TRAPPC9: variants seen among roughly 807,000 people sequenced by gnomAD.
TRAPPC9 encodes IKK2 binding protein.
Under a neutral mutation model 124.0 loss-of-function variants are expected in TRAPPC9, and 83 were observed. The ratio of observed to expected loss-of-function variants is 0.67; its 90% CI spans 0.56 to 0.80. TRAPPC9 has a LOEUF of 0.80. Ranked by LOEUF, TRAPPC9 falls within the 30% of genes least tolerant of loss-of-function variation. The pLI, the probability that TRAPPC9 is intolerant of heterozygous loss-of-function variation, is 0.00. For missense variants in TRAPPC9, 1,302 were observed against 1,508.3 expected, an observed-to-expected ratio of 0.86 and a Z score of 2.27; for synonymous variants, 638 against 617.5, an observed-to-expected ratio of 1.03 and a Z score of -0.49.
chr8:140,051,264 G>A (rs1229130475), intron 17 of TRAPPC9, among the ~76,000 whole-genome samples: 1 of 152,330 alleles, frequency 6.6e-6, no homozygotes, highest in Middle Eastern at 3.4e-3. Context: ...TGAGCACCAT[G>A]ACCTCAGTGA....
At chr8:140,236,395 T>C (rs2063732235) in intron 16 of TRAPPC9, among the ~76,000 whole-genome samples, 3 of 152,148 alleles carry the variant, frequency 2.0e-5, no homozygotes, top group Non-Finnish European at 4.4e-5. Flanking sequence ...TTATTTCTTC[T>C]ACACGGAATT....
intron 17 of TRAPPC9, among the ~76,000 whole-genome samples, chr8:140,069,232 G>C (rs1269270546): frequency 6.6e-6 from 1 of 152,216 alleles, no homozygotes; most frequent in Non-Finnish European, 1.5e-5. Flanking sequence ...TCACCACTGA[G>C]TGTAGCAGTG....
intron 18 of TRAPPC9, among the ~76,000 whole-genome samples, chr8:140,009,357 T>A (rs190730354): frequency 4.4e-4 from 67 of 152,278 alleles, no homozygotes; most frequent in African/African-American, 1.6e-3. Flanking sequence ...ACAAGTACAG[T>A]CAGCAAGGAT....
At chr8:139,767,908 G>A (rs1820687719) in intron 21 of TRAPPC9, among the ~76,000 whole-genome samples, 2 of 152,224 alleles carry the variant, frequency 1.3e-5, no homozygotes, top group African/African-American at 4.8e-5. Flanking sequence ...GAGTCTAAAA[G>A]CTGTAATATT....
intron 17 of TRAPPC9, among the ~76,000 whole-genome samples, chr8:140,031,052 T>C (rs1487310158): frequency 6.6e-6 from 1 of 152,230 alleles, no homozygotes; most frequent in African/African-American, 2.4e-5. Flanking sequence ...TGACCATTAA[T>C]AGACATACAA....
intron 17 of TRAPPC9, among the ~76,000 whole-genome samples, chr8:140,194,411 AT>A (rs1470899845): frequency 1.3e-5 from 2 of 152,212 alleles, no homozygotes; most frequent in East Asian, 3.8e-4. Context: ...ATTATACCTA[AT>A]AAAATGTAAA....
chr8:140,419,448 A>AAAAACAAAAAC (rs2070108606), intron 5 of TRAPPC9, among the ~76,000 whole-genome samples: 1 of 94,774 alleles, frequency 1.1e-5, no homozygotes, highest in Non-Finnish European at 2.0e-5. Context: ...AAAAAAAAAA[A>AAAAACAAAAAC]AAAACAAAAC....
intron 21 of TRAPPC9, among the ~76,000 whole-genome samples, chr8:139,781,177 T>C (rs1586828367): frequency 6.6e-6 from 1 of 152,228 alleles, no homozygotes. Context: ...CCCAAATGAG[T>C]TGAAAATTTA....
intron 17 of TRAPPC9, among the ~76,000 whole-genome samples, chr8:140,213,013 G>A (rs1031157634): frequency 2.0e-5 from 3 of 151,096 alleles, no homozygotes; most frequent in Non-Finnish European, 4.4e-5. Context: ...AGGTAGCAGT[G>A]AGCCAAGATC....
chr8:140,449,382 G>A (rs964599445), intron 2 of TRAPPC9, among the ~76,000 whole-genome samples: 1 of 152,210 alleles, frequency 6.6e-6, no homozygotes, highest in African/African-American at 2.4e-5. Flanking sequence ...GGCAAATGGG[G>A]ACGCCCTCTT....
At chr8:139,758,788 C>T (rs1329334525) in intron 21 of TRAPPC9, among the ~76,000 whole-genome samples, 1 of 152,152 alleles carries the variant, frequency 6.6e-6, no homozygotes, top group Non-Finnish European at 1.5e-5. Flanking sequence ...GTAGCGAAAC[C>T]GGGTTATGCT....
chr8:140,254,261 C>T (rs2064195945), intron 15 of TRAPPC9, among the ~76,000 whole-genome samples: 1 of 152,208 alleles, frequency 6.6e-6, no homozygotes, highest in African/African-American at 2.4e-5. Flanking sequence ...CCCTGTGTAT[C>T]CTGGGCAGTG....
chr8:140,074,218 T>C (rs1375919147), intron 17 of TRAPPC9, among the ~76,000 whole-genome samples: 1 of 152,120 alleles, frequency 6.6e-6, no homozygotes, highest in Non-Finnish European at 1.5e-5. Flanking sequence ...GTTGCTTTCC[T>C]GACAAGACTC....
chr8:139,877,316 G>C lies in TRAPPC9; in HGVS notation c.3055+8563C>G, dbSNP rs531161791. Among the ~76,000 whole-genome samples the C allele has an allele frequency of 5.3e-5, 8 of 152,324 alleles. No individual in the cohort carries two copies. In the East Asian group the frequency reaches 1.5e-3, roughly 29 times the overall value. On this transcript the variant is annotated intron_variant, in intron 21 of 22. Coordinates refer to ENST00000438773, the MANE Select transcript of TRAPPC9 (RefSeq NM_001160372.4). ...TAGTCACCATGACCGGGTCTCTATG[G>C]AAACGCCTGGAAGATGGTCCTCAAA...
intron 18 of TRAPPC9, among the ~76,000 whole-genome samples, chr8:140,004,356 T>TAA (rs761336548): frequency 1.3e-5 from 2 of 152,316 alleles, no homozygotes; most frequent in Non-Finnish European, 2.9e-5. Flanking sequence ...TATGTTAATT[T>TAA]AAAAAACATT....
intron 21 of TRAPPC9, among the ~76,000 whole-genome samples, chr8:139,795,281 G>A (rs919514231): frequency 1.3e-5 from 2 of 152,106 alleles, no homozygotes; most frequent in African/African-American, 4.8e-5. Context: ...TACGGTGAGA[G>A]GAAGCGCACT....
chr8:139,780,101 T>A (rs1192770793), intron 21 of TRAPPC9, among the ~76,000 whole-genome samples: 1 of 152,172 alleles, frequency 6.6e-6, no homozygotes, highest in Non-Finnish European at 1.5e-5. Flanking sequence ...CTTAAGTTGA[T>A]TATCTATAGA....
intron 21 of TRAPPC9, among the ~76,000 whole-genome samples, chr8:139,735,070 C>T (rs1216971918): frequency 6.6e-6 from 1 of 152,228 alleles, no homozygotes; most frequent in Non-Finnish European, 1.5e-5. Flanking sequence ...CCAGCAGTGC[C>T]TGATGTGCAG....
rs114185409 is a variant in TRAPPC9 at position 140,176,956 on chromosome 8, A to T, written c.2556+44503T>A. Among the ~76,000 whole-genome samples the T allele has an allele frequency of 3.3e-3, 509 of 152,162 alleles. 4 individuals are homozygous for T. Among genetic ancestry groups the T allele is most frequent in the African/African-American group, 0.011 (477 of 41,558 alleles). ...TGCCATGCACGTATCTTCTTTGGTG[A>T]ATTAGCTATTCAAATCATTTGCCTA... On this transcript the variant is annotated intron_variant, in intron 17 of 22. Coordinates refer to ENST00000438773, the MANE Select transcript of TRAPPC9 (RefSeq NM_001160372.4).
Sources: allele counts gnomAD v4.1 joint callset (sites outside exome capture counted in the v4.1 genomes callset), GRCh38; gene constraint gnomAD v4.1.1; transcripts MANE v1.5; gene names NCBI Gene and HGNC (gene_info 2026-07-23, HGNC 2026-07-21).